The following ZBTB20 variants were observed in gnomAD, a reference collection of about 807,000 sequenced individuals.
ZBTB20 encodes zinc finger and BTB domain containing 20.
ZBTB20 carries 9 observed loss-of-function variants against 56.9 expected under a neutral mutation model. The ratio of observed to expected loss-of-function variants is 0.16; its 90% CI spans 0.10 to 0.28. The LOEUF (loss-of-function observed/expected upper bound fraction) is 0.28, where lower values mean the gene tolerates loss of function less well. Ranked by LOEUF, ZBTB20 falls within the 10% of genes least tolerant of loss-of-function variation. The pLI is 1.00. For synonymous variants in ZBTB20, 417 were observed against 420.7 expected (o/e 0.99, Z 0.11); for missense variants, 655 against 1,003.0 (o/e 0.65, Z 4.69).
intron 2 of ZBTB20, among the ~76,000 whole-genome samples, chr3:115,066,087 G>C (rs943015051): frequency 6.6e-6 from 1 of 152,098 alleles, no homozygotes; most frequent in Non-Finnish European, 1.5e-5. Context: ...TTCAGCTTCA[G>C]CATAACACAC....
At chr3:114,639,586 T>G (rs1010312317) in intron 6 of ZBTB20, among the ~76,000 whole-genome samples, 1 of 152,080 alleles carries the variant, frequency 6.6e-6, no homozygotes, top group African/African-American at 2.4e-5. Flanking sequence ...AAACTGACAT[T>G]TTTTTAGGAA....
chr3:114,414,374 T>C lies in ZBTB20; in HGVS notation c.-254-25269A>G, dbSNP rs1260779331. The stretch of plus-strand genomic sequence containing the variant: ...ATGAGAAACACAAGAAATAGCTGGG[T>C]TGGGGGAGAAGCACGATGAGGAGAA... On this transcript the variant is annotated intron_variant, in intron 7 of 11. Transcript: ENST00000675478. Among the ~76,000 whole-genome samples the C allele has an allele frequency of 2.0e-5, 3 of 152,030 alleles. No individual in the cohort carries two copies. In the South Asian group the frequency reaches 6.2e-4, roughly 32 times the overall value.
intron 7 of ZBTB20, among the ~76,000 whole-genome samples, chr3:114,466,558 G>A (rs1195576952): frequency 1.3e-5 from 2 of 152,180 alleles, no homozygotes; most frequent in African/African-American, 4.8e-5. Flanking sequence ...GGGAACAAAA[G>A]ACTAAATTTG....
chr3:114,699,694 T>C (rs549501261), intron 5 of ZBTB20, among the ~76,000 whole-genome samples: 2 of 152,262 alleles, frequency 1.3e-5, no homozygotes, highest in African/African-American at 4.8e-5. Context: ...TATTTCTCTC[T>C]CTTGGTCATC....
At position 114,324,443 on chromosome 3, in the gene ZBTB20, G is replaced by T. The variant is rs892605321; in HGVS notation, c.*14562C>A. ...CATAACATAAATAGGTACACTAGGA[G>T]CACTCACTTTTCTACATTGATCACT... On this transcript the variant is annotated 3_prime_UTR_variant, in exon 12 of 12. Transcript: ENST00000675478. 6.6e-6 allele frequency: 1 copy of T among 152,070 alleles called. No homozygotes were observed. Among genetic ancestry groups the T allele is most frequent in the South Asian group, 2.1e-4 (1 of 4,826 alleles). 9.4% of individuals were successfully genotyped at this position (152,070 alleles called of 1,614,324 possible).
intron 1 of ZBTB20, among the ~76,000 whole-genome samples, chr3:115,086,207 T>C (rs1576745118): frequency 1.3e-5 from 2 of 151,878 alleles, no homozygotes; most frequent in African/African-American, 4.8e-5. Flanking sequence ...TTTTATGCTT[T>C]TAGGTCACTG....
chr3:114,351,506 C>T lies in ZBTB20; in HGVS notation c.572G>A (p.Arg191His), dbSNP rs765274174. ...ATCGCCCACGTTCTGTGACACGATG[C>T]GCGTGCACTCGTCGATGACTGTTTT... ...QIKTVIDECT[R>H]IVSQNVGDVF... Residue 191 changes from arginine (R) to histidine (H), a missense_variant, in exon 11 of 12, where the codon CGC (arginine) becomes CAC (histidine). Transcript: ENST00000675478. 4 of 1,613,932 alleles carry T rather than the reference C, an allele frequency of 2.5e-6. No individual in the cohort carries two copies. In the East Asian group the frequency reaches 6.7e-5, roughly 27 times the overall value.
chr3:114,994,469 A>G (rs1242845955), intron 2 of ZBTB20, among the ~76,000 whole-genome samples: 1 of 151,958 alleles, frequency 6.6e-6, no homozygotes, highest in Non-Finnish European at 1.5e-5. Context: ...TGTCTTAGTA[A>G]TATTTTCACA....
intron 4 of ZBTB20, among the ~76,000 whole-genome samples, chr3:114,859,768 C>T (rs532828151): frequency 3.9e-5 from 6 of 151,976 alleles, no homozygotes; most frequent in East Asian, 1.9e-4. Flanking sequence ...ACAGAGCAAA[C>T]GACAGTACAG....
At chr3:114,995,905 T>C (rs1399990542) in intron 2 of ZBTB20, among the ~76,000 whole-genome samples, 1 of 151,766 alleles carries the variant, frequency 6.6e-6, no homozygotes, top group African/African-American at 2.4e-5. Flanking sequence ...CTCACATCCA[T>C]CTCCCCTTTA....
intron 3 of ZBTB20, among the ~76,000 whole-genome samples, chr3:114,971,336 T>C (rs1191384374): frequency 6.6e-6 from 1 of 152,208 alleles, no homozygotes; most frequent in African/African-American, 2.4e-5. Flanking sequence ...GATCAAACCA[T>C]GTAAGACCAG....
intron 3 of ZBTB20, among the ~76,000 whole-genome samples, chr3:114,965,567 T>C (rs2077616403): frequency 6.6e-6 from 1 of 152,178 alleles, no homozygotes; most frequent in South Asian, 2.1e-4. Flanking sequence ...CTTATTTCAC[T>C]TAAAAATCCT....
chr3:114,954,019 G>C (rs1347648190), intron 3 of ZBTB20, among the ~76,000 whole-genome samples: 1 of 152,032 alleles, frequency 6.6e-6, no homozygotes, highest in Non-Finnish European at 1.5e-5. Flanking sequence ...GCTGAGAATG[G>C]GGGAGGTCAA....
At chr3:115,061,427 T>C (rs1348058202) in intron 2 of ZBTB20, among the ~76,000 whole-genome samples, 2 of 152,202 alleles carry the variant, frequency 1.3e-5, no homozygotes, top group Non-Finnish European at 2.9e-5. Context: ...TTATTATTCT[T>C]GAATAAAAGT....
chr3:114,655,242 CTTTT>C (rs3085998), intron 6 of ZBTB20, among the ~76,000 whole-genome samples: 3 of 91,674 alleles, frequency 3.3e-5, no homozygotes, highest in Non-Finnish European at 2.0e-5. Context: ...TTTTCCTTTC[CTTTT>C]TTTTTTTTTT....
At chr3:114,765,621 G>T (rs1224480673) in intron 5 of ZBTB20, among the ~76,000 whole-genome samples, 1 of 152,040 alleles carries the variant, frequency 6.6e-6, no homozygotes, top group Admixed American at 6.6e-5. Flanking sequence ...CCCAATTTAT[G>T]ATATTCTATT....
In ZBTB20 at chr3:114,322,239, G is replaced by A. The variant is rs1437492780; in HGVS notation, c.*16766C>T. On this transcript the variant is annotated 3_prime_UTR_variant, in exon 12 of 12. Transcript: ENST00000675478. The stretch of plus-strand genomic sequence containing the variant: ...TTTCTTTCTCTCCATCAGTCTCCAG[G>A]TCATGACTCTATTAAAGATCATTTA... 1 of 152,098 alleles carries A rather than the reference G, an allele frequency of 6.6e-6. No individual in the cohort carries two copies. Among genetic ancestry groups the A allele is most frequent in the African/African-American group, 2.4e-5 (1 of 41,392 alleles). The allele number at this position is 152,098 out of a possible 1,614,324, so 9.4% of individuals were successfully genotyped here. A position where few individuals can be genotyped will look rare whatever the true frequency, so the allele number is the denominator to read the frequency against.
intron 6 of ZBTB20, among the ~76,000 whole-genome samples, chr3:114,663,921 C>T (rs1299426100): frequency 6.6e-6 from 1 of 151,632 alleles, no homozygotes; most frequent in African/African-American, 2.4e-5. Flanking sequence ...GAGACTTAGA[C>T]TCCCACACAT....
chr3:114,838,032 G>A (rs569517739), intron 4 of ZBTB20, among the ~76,000 whole-genome samples: 1 of 152,278 alleles, frequency 6.6e-6, no homozygotes, highest in East Asian at 1.9e-4. Context: ...ACCCCAGTAG[G>A]AAGGTTTCAT....
Sources: allele counts gnomAD v4.1 joint callset (sites outside exome capture counted in the v4.1 genomes callset), GRCh38; gene constraint gnomAD v4.1.1; transcripts MANE v1.5; gene names NCBI Gene and HGNC (gene_info 2026-07-23, HGNC 2026-07-21).